Variants in SLC25A21 observed in about 807,000 individuals in gnomAD.
SLC25A21 encodes the protein solute carrier family 25 member 21, also known as mitochondrial 2-oxodicarboxylate carrier.
SLC25A21 carries 47 observed loss-of-function variants against 43.8 expected under a neutral mutation model. The observed-to-expected ratio is 1.07, with a 90% CI of 0.85 to 1.37. The LOEUF is 1.37. Ranked by LOEUF, SLC25A21 falls within the 40% of genes most tolerant of loss-of-function variation. The probability of loss-of-function intolerance (pLI) is 0.00; values close to 1 mark genes in which losing one functional copy is unlikely to be tolerated. For synonymous variants in SLC25A21, 131 were observed against 121.3 expected (o/e 1.08, Z -0.52); for missense variants, 352 against 350.2 (o/e 1.00, Z -0.04).
chr14:36,900,877 C>T (rs1243813455), intron 1 of SLC25A21, among the ~76,000 whole-genome samples: 1 of 152,142 alleles, frequency 6.6e-6, no homozygotes, highest in African/African-American at 2.4e-5. Context: ...AAACTGTGAA[C>T]TGCTTCCTGG....
At chr14:36,853,046 C>T (rs1238515637) in intron 2 of SLC25A21, among the ~76,000 whole-genome samples, 3 of 152,092 alleles carry the variant, frequency 2.0e-5, no homozygotes, top group Admixed American at 2.0e-4. Flanking sequence ...AAAATACTTG[C>T]ACTATAAGCT....
chr14:36,863,101 C>CA (rs1890119270), intron 2 of SLC25A21, among the ~76,000 whole-genome samples: 1 of 152,172 alleles, frequency 6.6e-6, no homozygotes, highest in South Asian at 2.1e-4. Flanking sequence ...TTTCCCGTGA[C>CA]AAAGATAAGA....
At position 36,810,843 on chromosome 14, in the gene SLC25A21, GGTGC is replaced by G. The variant is rs935065619; in HGVS notation, c.203+3071_203+3074del. Among the ~76,000 whole-genome samples the G allele has an allele frequency of 8.2e-5, 5 of 60,748 alleles. No homozygotes were observed. In the Admixed American group the frequency reaches 9.2e-4, roughly 11 times the overall value. 39.9% of individuals were successfully genotyped at this position (60,748 alleles called of 152,430 possible). ...GAAAATGAGCTTCACAAACCAGGAT[GGTGC>G]GTGCTATATTTTATACAGCATATGT... On this transcript the variant is annotated intron_variant, in intron 3 of 9. Transcript: ENST00000331299.
At chr14:36,837,433 G>A in intron 2 of SLC25A21, among the ~76,000 whole-genome samples, 1 of 152,064 alleles carries the variant, frequency 6.6e-6, no homozygotes, top group East Asian at 1.9e-4. Flanking sequence ...CCAAGAAGGG[G>A]CTGCGTTTAG....
At chr14:36,982,936 T>A (rs1960063519) in intron 1 of SLC25A21, among the ~76,000 whole-genome samples, 1 of 152,160 alleles carries the variant, frequency 6.6e-6, no homozygotes, top group Non-Finnish European at 1.5e-5. Context: ...TACTTTACTT[T>A]CCCAAGCCTA....
chr14:37,160,780 GT>G (rs891809366), intron 1 of SLC25A21, among the ~76,000 whole-genome samples: 2 of 151,556 alleles, frequency 1.3e-5, no homozygotes, highest in Non-Finnish European at 2.9e-5. Context: ...AAATACAGAA[GT>G]TAGCTGGGCC....
chr14:36,936,892 C>T (rs1231464002), intron 1 of SLC25A21, among the ~76,000 whole-genome samples: 1 of 152,040 alleles, frequency 6.6e-6, no homozygotes, highest in Admixed American at 6.6e-5. Flanking sequence ...CAATGCTGTC[C>T]CTTCACTTTG....
intron 2 of SLC25A21, among the ~76,000 whole-genome samples, chr14:36,818,399 C>T (rs1652256): frequency 0.7 from 106,349 of 152,018 alleles, 38,783 homozygotes; most frequent in East Asian, 1. Flanking sequence ...CAACCAGGAG[C>T]GGCAACATCA....
chr14:37,030,354 C>T (rs530272207), intron 1 of SLC25A21, among the ~76,000 whole-genome samples: 19 of 152,156 alleles, frequency 1.2e-4, no homozygotes, highest in African/African-American at 4.1e-4. Flanking sequence ...AATTGAAACC[C>T]GGGTCGTTTG....
intron 1 of SLC25A21, among the ~76,000 whole-genome samples, chr14:37,045,146 CAT>C (rs1159460163): frequency 6.6e-6 from 1 of 152,136 alleles, no homozygotes; most frequent in African/African-American, 2.4e-5. Context: ...TCGAAAGTTA[CAT>C]GATTCTAAAA....
At chr14:36,959,049 C>T (rs927236500) in intron 1 of SLC25A21, among the ~76,000 whole-genome samples, 6 of 152,154 alleles carry the variant, frequency 3.9e-5, no homozygotes, top group African/African-American at 1.2e-4. Context: ...GTGTGCTTCT[C>T]GTGGTTGCCT....
intron 1 of SLC25A21, among the ~76,000 whole-genome samples, chr14:37,002,427 CT>C (rs1247916977): frequency 6.6e-6 from 1 of 152,126 alleles, no homozygotes; most frequent in Non-Finnish European, 1.5e-5. Flanking sequence ...ACCCTACCAG[CT>C]TTATCTGCAT....
chr14:36,879,498 TAGTG>T (rs573509531), intron 1 of SLC25A21, among the ~76,000 whole-genome samples: 159 of 152,266 alleles, frequency 1.0e-3, no homozygotes, highest in African/African-American at 3.7e-3. Context: ...CATGTCATGT[TAGTG>T]AGCATGACTA....
chr14:37,128,538 C>G (rs10571466), intron 1 of SLC25A21, among the ~76,000 whole-genome samples: 5,149 of 122,714 alleles, frequency 0.042, 327 homozygotes, highest in East Asian at 0.26. Flanking sequence ...CTCTCTCTCT[C>G]TGTGTGTGTG....
intron 1 of SLC25A21, among the ~76,000 whole-genome samples, chr14:37,124,810 G>C (rs1594805203): frequency 6.6e-6 from 1 of 152,058 alleles, no homozygotes; most frequent in Non-Finnish European, 1.5e-5. Flanking sequence ...CACAAGATCT[G>C]GTTATTTAAA....
intron 2 of SLC25A21, among the ~76,000 whole-genome samples, chr14:36,855,328 T>C (rs1889865683): frequency 6.6e-6 from 1 of 151,670 alleles, no homozygotes; most frequent in Non-Finnish European, 1.5e-5. Flanking sequence ...GTTCAGGGTC[T>C]CTCCTGAGGA....
chr14:37,144,921 GGTGGTT>G (rs1365440990), intron 1 of SLC25A21, among the ~76,000 whole-genome samples: 1,073 of 59,330 alleles, frequency 0.018, 11 homozygotes, highest in African/African-American at 0.046. Context: ...GCCCAGCCTG[GGTGGTT>G]GTTGTTGTTG....
At chr14:36,831,919 A>G (rs1889053802) in intron 2 of SLC25A21, among the ~76,000 whole-genome samples, 2 of 152,206 alleles carry the variant, frequency 1.3e-5, no homozygotes, top group African/African-American at 4.8e-5. Context: ...CCTTCGAGCT[A>G]TTTTAGTCAC....
At chr14:36,951,975 C>A (rs1238221603) in intron 1 of SLC25A21, among the ~76,000 whole-genome samples, 1 of 152,168 alleles carries the variant, frequency 6.6e-6, no homozygotes, top group Non-Finnish European at 1.5e-5. Flanking sequence ...TGGCTCATGC[C>A]TGTAATCCCA....
Sources: allele counts gnomAD v4.1 joint callset (sites outside exome capture counted in the v4.1 genomes callset), GRCh38; gene constraint gnomAD v4.1.1; transcripts MANE v1.5; gene names NCBI Gene and HGNC (gene_info 2026-07-23, HGNC 2026-07-21).